ZBTB46: variants seen among roughly 807,000 people sequenced by gnomAD.
The protein encoded by ZBTB46 is zinc finger and BTB domain containing 46.
A neutral mutation model predicts 44.1 loss-of-function variants in ZBTB46; 8 were observed. That is an observed-to-expected ratio of 0.18 (90% CI 0.11 to 0.33). The LOEUF (loss-of-function observed/expected upper bound fraction) is 0.33. ZBTB46 is among the 10% of genes least tolerant of loss of function. ZBTB46 has a pLI of 1.00. For synonymous variants in ZBTB46, 409 were observed against 382.3 expected (o/e 1.07, Z -0.81); for missense variants, 651 against 847.7 (o/e 0.77, Z 2.88).
intron 1 of ZBTB46, among the ~76,000 whole-genome samples, chr20:63,808,848 G>T (rs2092699285): frequency 6.6e-6 from 1 of 151,696 alleles, no homozygotes. Flanking sequence ...CGTGGTGGGG[G>T]CGCCTGCAGT....
chr20:63,769,906 C>T (rs751616708), intron 3 of ZBTB46, among the ~76,000 whole-genome samples: 20 of 152,236 alleles, frequency 1.3e-4, no homozygotes, highest in Non-Finnish European at 2.9e-4. Flanking sequence ...CCTCCTGACG[C>T]CCGGGCCCAG....
chr20:63,765,750 G>C (rs1276761673), intron 3 of ZBTB46, among the ~76,000 whole-genome samples: 1 of 152,000 alleles, frequency 6.6e-6, no homozygotes, highest in African/African-American at 2.4e-5. Context: ...ATGAATGTCT[G>C]TGTAGTTTCA....
chr20:63,790,222 T>C lies in ZBTB46; in HGVS notation c.536A>G (p.Asn179Ser), dbSNP rs1412657641. Reference protein sequence around the residue: ...PWLARRTSPANSSGDSAIASC... With the variant: ...PWLARRTSPASSSGDSAIASC... ...GGCGATGGCCGAGTCTCCGGAAGAA[T>C]TGGCAGGACTCGTTCGCCGTGCCAG... Residue 179 changes from asparagine (N) to serine (S), a missense_variant, in exon 2 of 5, where the codon AAT becomes AGT. Physicochemically the swap from Asn to Ser is conservative, Grantham distance 46 (BLOSUM62 1). Transcript: ENST00000245663. 6.2e-6 allele frequency: 10 copies of C among 1,611,974 alleles called. No homozygotes were observed. Among genetic ancestry groups the C allele is most frequent in the Non-Finnish European group, 7.6e-6 (9 of 1,179,250 alleles).
chr20:63,752,616 A>T lies in ZBTB46; in HGVS notation c.1398+70T>A, dbSNP rs990511322. The T allele has an allele frequency of 1.4e-6, 2 of 1,439,692 alleles. No individual in the cohort carries two copies. The highest frequency in any genetic ancestry group is 5.2e-5 in the East Asian group (2 of 38,618). The allele number at this position is 1,439,692 out of a possible 1,614,324, so 89.2% of individuals were successfully genotyped here. ...GGGGTCCGGGGCGGTCTGCGCCCTC[A>T]TCAGGACCCGCCTGCCCGGACATCG... On this transcript the variant is annotated intron_variant, in intron 4 of 4. Transcript: ENST00000245663. The surrounding 1 kb of genome is among the most constrained non-coding windows in gnomAD (Gnocchi z 5.6).
In ZBTB46 at chr20:63,766,534, C is replaced by CAA. The variant is rs11434220; in HGVS notation, c.1222+9142_1222+9143dup. On this transcript the variant is annotated intron_variant, in intron 3 of 4. Transcript: ENST00000245663. ...CCTGGCCAAGAGATCCCATTTTGAC[C>CAA]AAAAAAAAAAAAAAAGCTTCATTTT... is the stretch of plus-strand genomic sequence containing the variant. 4.9e-3 allele frequency among the ~76,000 whole-genome samples: 641 copies of CAA among 130,544 alleles called. 4 individuals are homozygous for CAA. The highest frequency in any genetic ancestry group is 6.8e-3 in the Non-Finnish European group (418 of 61,140). The allele number at this position is 130,544 out of a possible 152,430, so 85.6% of individuals were successfully genotyped here.
At chr20:63,830,553 C>T (rs1209193157) in intron 1 of ZBTB46, among the ~76,000 whole-genome samples, 3 of 150,322 alleles carry the variant, frequency 2.0e-5, no homozygotes. Context: ...CCGCCCGCGC[C>T]CACCTCCCGC....
chr20:63,801,529 T>G (rs1474151221), intron 1 of ZBTB46, among the ~76,000 whole-genome samples: 1 of 152,158 alleles, frequency 6.6e-6, no homozygotes, highest in Non-Finnish European at 1.5e-5. Context: ...GGGGTCCCCT[T>G]TCATACATTG....
At chr20:63,821,095 G>C (rs918010915) in intron 1 of ZBTB46, among the ~76,000 whole-genome samples, 2 of 151,602 alleles carry the variant, frequency 1.3e-5, no homozygotes, top group African/African-American at 4.9e-5. Context: ...GTTTCACCAT[G>C]TTGGCCAAGA....
chr20:63,807,119 C>T (rs1356382207), intron 1 of ZBTB46, among the ~76,000 whole-genome samples: 3 of 151,950 alleles, frequency 2.0e-5, no homozygotes. Flanking sequence ...TGATAGAATT[C>T]AACAGTGAAG....
Position 63,803,535 on chromosome 20 carries a change from A to G in ZBTB46, c.-33-12745T>C, listed in dbSNP as rs1004777148. 4 of 984,146 alleles carry G rather than the reference A, an allele frequency of 4.1e-6. No homozygotes were observed. The Admixed American group carries it at 1.9e-4, about 46-fold the overall frequency. The allele number at this position is 984,146 out of a possible 1,614,324, so 61.0% of individuals were successfully genotyped here. A position where few individuals can be genotyped will look rare whatever the true frequency, so the allele number is the denominator to read the frequency against. The stretch of plus-strand genomic sequence containing the variant: ...CCCATGTGGCCATCTGAAGATGCAA[A>G]GCCATGTCTGCCGGCCCCGGGCTGC... On this transcript the variant is annotated intron_variant, in intron 1 of 4. Transcript: ENST00000245663. This position sits in a 1 kb window ranked among gnomAD's most constrained non-coding sequence, Gnocchi z 4.0.
chr20:63,772,444 C>G (rs1274977600), intron 3 of ZBTB46, among the ~76,000 whole-genome samples: 1 of 152,142 alleles, frequency 6.6e-6, no homozygotes. Context: ...TGGGGCCAGG[C>G]GGGATGGCTC....
rs968699959 is a variant in ZBTB46, at chr20:63,820,441, A to T, written c.-34+10656T>A. ...TTTTTAAGAAGTATATTATATATAT[A>T]TATTTTTTTTTTGAGACAGAGTTTT... On this transcript the variant is annotated intron_variant, in intron 1 of 4. Transcript: ENST00000245663. Among the ~76,000 whole-genome samples, 812 of 149,118 alleles carry T rather than the reference A, an allele frequency of 5.4e-3. 5 individuals are homozygous for T. The highest frequency in any genetic ancestry group is 0.019 in the African/African-American group (772 of 40,158).
intron 1 of ZBTB46, among the ~76,000 whole-genome samples, chr20:63,820,321 G>C (rs1359983116): frequency 6.6e-6 from 1 of 151,834 alleles, no homozygotes; most frequent in Non-Finnish European, 1.5e-5. Context: ...GGATGGTCTC[G>C]ATCTCCTGAC....
rs2092663823 is a variant in ZBTB46, at chr20:63,803,684, C to T, written c.-33-12894G>A. 6.6e-6 allele frequency among the ~76,000 whole-genome samples: 1 copy of T among 152,166 alleles called. No homozygotes were observed. On this transcript the variant is annotated intron_variant, in intron 1 of 4. Coordinates refer to ENST00000245663, the MANE Select transcript of ZBTB46 (RefSeq NM_001369741.1). This position sits in a 1 kb window ranked among gnomAD's most constrained non-coding sequence, Gnocchi z 4.0. ...CTGACGCCCAGGCCGCCTCCTCCGCCTTCCCGAACCTGGCTACCGTCACTT... is the reference window on the plus strand; with the variant it reads ...CTGACGCCCAGGCCGCCTCCTCCGCTTTCCCGAACCTGGCTACCGTCACTT...
At chr20:63,799,196 A>T (rs2092625550) in intron 1 of ZBTB46, among the ~76,000 whole-genome samples, 1 of 150,454 alleles carries the variant, frequency 6.6e-6, no homozygotes, top group Non-Finnish European at 1.5e-5. Context: ...ACACTCAGCT[A>T]ATTTTTTTTT....
rs1489177143 is a variant in ZBTB46 at position 63,787,103 on chromosome 20, C to A, written c.937+2718G>T. 6.6e-6 allele frequency among the ~76,000 whole-genome samples: 1 copy of A among 152,146 alleles called. No homozygotes were observed. The highest frequency in any genetic ancestry group is 2.4e-5 in the African/African-American group (1 of 41,430). On this transcript the variant is annotated intron_variant, in intron 2 of 4. Transcript: ENST00000245663. This position sits in a 1 kb window ranked among gnomAD's most constrained non-coding sequence, Gnocchi z 4.6. ...GAGGCAAGAGGAAGGTACTGTATGA[C>A]GGATACAGTTTCCCTTTGGGATGAT...
At position 63,800,714 on chromosome 20, in the gene ZBTB46, C is replaced by T. The variant is rs1453887202; in HGVS notation, c.-33-9924G>A. On this transcript the variant is annotated intron_variant, in intron 1 of 4. Coordinates refer to ENST00000245663, the MANE Select transcript of ZBTB46 (RefSeq NM_001369741.1). ...GCCAGCAGCTGCGGAGGGTGTCCGC[C>T]AGCAGTGCCGGCCCACCGGCGCTGT... is the stretch of plus-strand genomic sequence containing the variant. 2.6e-5 allele frequency among the ~76,000 whole-genome samples: 4 copies of T among 152,228 alleles called. No individual in the cohort carries two copies. The East Asian group carries it at 7.7e-4, about 29-fold the overall frequency.
At position 63,747,225 on chromosome 20, in the gene ZBTB46, C is replaced by A. The variant is rs770370421; in HGVS notation, c.1475G>T (p.Arg492Met). 6 of 1,595,178 alleles carry A rather than the reference C, an allele frequency of 3.8e-6. No homozygotes were observed. Among genetic ancestry groups the A allele is most frequent in the Non-Finnish European group, 5.1e-6 (6 of 1,171,158 alleles). Residue 492 changes from arginine to methionine, a missense_variant, in exon 5 of 5, where the codon AGG (arginine) becomes ATG (methionine). Arg to Met is a moderately conservative substitution (Grantham distance 91, BLOSUM62 -1). Coordinates refer to ENST00000245663, the MANE Select transcript of ZBTB46 (RefSeq NM_001369741.1). ...VFMSAASVGI[R>M]HGSRRHGVCT... is the part of the protein sequence containing the mutation. ...CACACCGTGGCGCCTGGAGCCATGC[C>A]TGATGCCCACGCTGGCGGCGGACAT...
intron 3 of ZBTB46, among the ~76,000 whole-genome samples, chr20:63,773,097 G>A (rs1221747942): frequency 6.6e-6 from 1 of 152,112 alleles, no homozygotes; most frequent in African/African-American, 2.4e-5. Context: ...CTGCCAAGCC[G>A]TGCCCTCCGA....
Sources: gnomAD v4.1 joint callset for allele counts (sites outside exome capture counted in the v4.1 genomes callset) on GRCh38, gnomAD v4.1.1 for gene constraint, Gnocchi (gnomAD v3.1) non-coding constraint, MANE v1.5 for transcripts, NCBI Gene and HGNC (gene_info 2026-07-23, HGNC 2026-07-21) for gene names.